The following ZNF532 variants were observed in gnomAD, a reference collection of about 807,000 sequenced individuals.
ZNF532 encodes the protein zinc finger protein 532.
ZNF532 carries 22 observed loss-of-function variants against 89.3 expected under a neutral mutation model. The observed-to-expected ratio is 0.25, with a 90% CI of 0.18 to 0.35. The LOEUF (loss-of-function observed/expected upper bound fraction) is 0.35, where lower values mean the gene tolerates loss of function less well. Ranked by LOEUF, ZNF532 falls within the 10% of genes least tolerant of loss-of-function variation. The pLI, the probability that ZNF532 is intolerant of heterozygous loss-of-function variation, is 1.00. For synonymous variants in ZNF532, 606 were observed against 649.6 expected, an observed-to-expected ratio of 0.93 and a Z score of 1.02; for missense variants, 1,132 against 1,643.4, an observed-to-expected ratio of 0.69 and a Z score of 5.38.
At chr18:58,893,816 T>C (rs1274636106) in intron 2 of ZNF532, among the ~76,000 whole-genome samples, 1 of 152,214 alleles carries the variant, frequency 6.6e-6, no homozygotes. Flanking sequence ...TGCCTTTTGC[T>C]TCTCGTGGGT....
chr18:58,868,107 C>T (rs2056643855), intron 2 of ZNF532, among the ~76,000 whole-genome samples: 1 of 152,186 alleles, frequency 6.6e-6, no homozygotes, highest in African/African-American at 2.4e-5. Context: ...TTTGAACAAC[C>T]TTTACCGTAT....
In ZNF532 at chr18:58,888,810, A is replaced by ATAT. The variant is rs2058597645; in HGVS notation, c.-18+23231_-18+23232insTAT. Reference sequence around the variant, plus strand: ...AAAATATATATAATTTATATATATAAAAAATTATATATATAAATTATATAT... The same window carrying ATAT: ...AAAATATATATAATTTATATATATAATATAAAATTATATATATAAATTATATAT... On this transcript the variant is annotated intron_variant, in intron 2 of 9. Coordinates refer to ENST00000591808, the MANE Select transcript of ZNF532 (RefSeq NM_001375912.1). Among the ~76,000 whole-genome samples the ATAT allele has an allele frequency of 3.0e-3, 35 of 11,768 alleles. 3 individuals are homozygous for ATAT. The South Asian group carries it at 0.1, about 34-fold the overall frequency. The allele number at this position is 11,768 out of a possible 152,430, so 7.7% of individuals were successfully genotyped here. A position where few individuals can be genotyped will look rare whatever the true frequency, so the allele number is the denominator to read the frequency against.
At chr18:58,959,252 T>C (rs1568424036) in intron 7 of ZNF532, among the ~76,000 whole-genome samples, 1 of 144,964 alleles carries the variant, frequency 6.9e-6, no homozygotes, top group Non-Finnish European at 1.5e-5. Flanking sequence ...TTCAGTTTTT[T>C]GTTTTTTGTT....
intron 7 of ZNF532, among the ~76,000 whole-genome samples, chr18:58,962,325 A>G (rs1293148245): frequency 6.6e-6 from 1 of 152,178 alleles, no homozygotes; most frequent in Non-Finnish European, 1.5e-5. Flanking sequence ...AGCCATTGCT[A>G]GTGTGAGGTG....
chr18:58,974,329 T>C (rs1158389720), intron 7 of ZNF532, among the ~76,000 whole-genome samples: 1 of 152,200 alleles, frequency 6.6e-6, no homozygotes, highest in Non-Finnish European at 1.5e-5. Flanking sequence ...GTACCAGTAC[T>C]TTCTCCGCTT....
At chr18:58,907,424 TC>T (rs1484141467) in intron 2 of ZNF532, among the ~76,000 whole-genome samples, 3 of 151,804 alleles carry the variant, frequency 2.0e-5, no homozygotes, top group Non-Finnish European at 4.4e-5. Context: ...GACCTCGTGA[TC>T]CCCCCTGCCC....
chr18:58,975,011 G>A (rs1054385156), intron 7 of ZNF532, among the ~76,000 whole-genome samples: 1 of 152,158 alleles, frequency 6.6e-6, no homozygotes, highest in African/African-American at 2.4e-5. Flanking sequence ...GTGATTTTTA[G>A]GAGCACCGAT....
chr18:58,903,978 TA>T (rs1339828195), intron 2 of ZNF532, among the ~76,000 whole-genome samples: 2 of 152,222 alleles, frequency 1.3e-5, no homozygotes, highest in African/African-American at 4.8e-5. Context: ...ACTAATTTTT[TA>T]AAACTTCCCC....
chr18:58,983,664 C>T (rs1257858705), intron 9 of ZNF532, among the ~76,000 whole-genome samples: 1 of 152,030 alleles, frequency 6.6e-6, no homozygotes, highest in African/African-American at 2.4e-5. Flanking sequence ...TGACATACTG[C>T]ATATTTTCTC....
At chr18:58,958,806 G>C (rs1206947990) in intron 7 of ZNF532, among the ~76,000 whole-genome samples, 1 of 152,208 alleles carries the variant, frequency 6.6e-6, no homozygotes, top group East Asian at 1.9e-4. Context: ...GGGCGTGTCA[G>C]TGTCACATTA....
chr18:58,951,572 G>A (rs2064158479), intron 6 of ZNF532, among the ~76,000 whole-genome samples: 1 of 150,644 alleles, frequency 6.6e-6, no homozygotes, highest in Non-Finnish European at 1.5e-5. Flanking sequence ...TGGCTATCAA[G>A]AAATCATGTC....
intron 7 of ZNF532, among the ~76,000 whole-genome samples, chr18:58,955,603 T>A (rs1239792291): frequency 6.6e-6 from 1 of 152,254 alleles, no homozygotes; most frequent in African/African-American, 2.4e-5. Context: ...CTCATGAAAC[T>A]GACATGTTTT....
At chr18:58,887,931 C>T (rs1305829175) in intron 2 of ZNF532, among the ~76,000 whole-genome samples, 2 of 152,088 alleles carry the variant, frequency 1.3e-5, no homozygotes, top group East Asian at 3.9e-4. Context: ...GCTTTTCCTG[C>T]GGAATTAAAG....
rs552257083 is a variant in ZNF532 at position 58,961,572 on chromosome 18, C to A, written c.3150+7773C>A. Among the ~76,000 whole-genome samples, 4 of 152,324 alleles carry A rather than the reference C, an allele frequency of 2.6e-5. No homozygotes were observed. In the South Asian group the frequency reaches 8.3e-4, roughly 32 times the overall value. ...TTATGTGAGCAGCCCCAAGTATATT[C>A]CCGCGTGTACCGCAAAGGGGAGGGA... is the stretch of plus-strand genomic sequence containing the variant. On this transcript the variant is annotated intron_variant, in intron 7 of 9. Transcript: ENST00000591808.
At chr18:58,870,066 C>G (rs2056848587) in intron 2 of ZNF532, among the ~76,000 whole-genome samples, 1 of 141,808 alleles carries the variant, frequency 7.1e-6, no homozygotes, top group Non-Finnish European at 1.5e-5. Context: ...GTGCCCAGCC[C>G]AGGTTGTTTT....
chr18:58,964,648 G>A (rs1297161245), intron 7 of ZNF532, among the ~76,000 whole-genome samples: 1 of 151,298 alleles, frequency 6.6e-6, no homozygotes, highest in East Asian at 1.9e-4. Flanking sequence ...GTGCAGTGGC[G>A]TGATCATAGC....
intron 2 of ZNF532, among the ~76,000 whole-genome samples, chr18:58,872,253 G>A (rs1421785468): frequency 5.3e-5 from 8 of 152,128 alleles, no homozygotes; most frequent in Non-Finnish European, 7.3e-5. Context: ...CATAATTAGA[G>A]CTTTTAGACA....
At chr18:58,898,901 G>T (rs772709827) in intron 2 of ZNF532, among the ~76,000 whole-genome samples, 2 of 152,182 alleles carry the variant, frequency 1.3e-5, no homozygotes, top group African/African-American at 4.8e-5. Context: ...CTCCTTGTTT[G>T]GCCAGTTTCC....
Position 58,918,260 on chromosome 18 carries a change from T to C in ZNF532, c.-17-11T>C, listed in dbSNP as rs2146045756. On this transcript the variant is annotated splice_polypyrimidine_tract_variant and intron_variant, in intron 2 of 9. Transcript: ENST00000591808. ...AATTACTGATGGAACTATTTTCTGC[T>C]CATTTAACAGAACATCTGCTCAAAT... 6.3e-7 allele frequency: 1 copy of C among 1,597,146 alleles called. No individual in the cohort carries two copies.
Sources: gnomAD v4.1 joint callset for allele counts (sites outside exome capture counted in the v4.1 genomes callset) on GRCh38, gnomAD v4.1.1 for gene constraint, MANE v1.5 for transcripts, NCBI Gene and HGNC (gene_info 2026-07-23, HGNC 2026-07-21) for gene names.